ARMC7: variants seen among roughly 807,000 people sequenced by gnomAD.
ARMC7 encodes the protein armadillo repeat-containing protein 7.
A neutral mutation model predicts 14.8 loss-of-function variants in ARMC7; 9 were observed. The observed-to-expected ratio is 0.61, with a 90% CI of 0.37 to 1.06. The LOEUF (loss-of-function observed/expected upper bound fraction) is 1.06. Among genes scored for constraint, ARMC7 ranks in the 50% least tolerant of loss-of-function variants. The pLI is 0.01. For missense variants in ARMC7, 262 were observed against 267.1 expected (o/e 0.98, Z 0.13); for synonymous variants, 125 against 123.4 (o/e 1.01, Z -0.09).
intron 2 of ARMC7, chr17:75,114,775 C>A (rs1036730347): frequency 1.3e-5 from 5 of 398,358 alleles, no homozygotes; most frequent in African/African-American, 2.1e-5. Context: ...GCGTCGAATC[C>A]CTCCGTGGGA....
intron 2 of ARMC7, among the ~76,000 whole-genome samples, chr17:75,119,481 C>A (rs1167667777): frequency 7.1e-6 from 1 of 140,146 alleles, no homozygotes; most frequent in Non-Finnish European, 1.5e-5. Context: ...CGGAGTTTCG[C>A]TCTGTCGCCC....
At position 75,129,630 on chromosome 17, in the gene ARMC7, G is replaced by C. The variant is rs538020268; in HGVS notation, c.*592G>C. 1 of 152,942 alleles carries C rather than the reference G, an allele frequency of 6.5e-6. No individual in the cohort carries two copies. The highest frequency in any genetic ancestry group is 1.5e-5 in the Non-Finnish European group (1 of 68,560). 9.5% of individuals were successfully genotyped at this position (152,942 alleles called of 1,614,324 possible). A position where few individuals can be genotyped will look rare whatever the true frequency, so the allele number is the denominator to read the frequency against. On this transcript the variant is annotated 3_prime_UTR_variant, in exon 3 of 3. Coordinates refer to ENST00000245543, the MANE Select transcript of ARMC7 (RefSeq NM_024585.4). Reference sequence around the variant, plus strand: ...TGGCCCAGCATTGACTGTCCACCCAGCCTTGCTGTTAGGCACCATGACTCC... The same window carrying C: ...TGGCCCAGCATTGACTGTCCACCCACCCTTGCTGTTAGGCACCATGACTCC...
rs759276703 is a variant in ARMC7, at chr17:75,110,351, C to G, written c.63C>G (p.Val21=). 6.8e-6 allele frequency: 11 copies of G among 1,613,946 alleles called. No homozygotes were observed. The highest frequency in any genetic ancestry group is 8.5e-6 in the Non-Finnish European group (10 of 1,180,036). Residue 21 remains valine (V), a synonymous_variant, in exon 1 of 3, where the codon GTC becomes GTG. Coordinates refer to ENST00000245543, the MANE Select transcript of ARMC7 (RefSeq NM_024585.4). ...GGCTGGGATACCTGCAGGCGCTGGT[C>G]ACGGAATTCCAGGAGACCCAAAGCC... The part of the protein sequence containing the change: ...VGRLGYLQAL[V]TEFQETQSQD...
chr17:75,123,797 G>T (rs970331632), intron 2 of ARMC7, among the ~76,000 whole-genome samples: 2 of 151,952 alleles, frequency 1.3e-5, no homozygotes, highest in African/African-American at 4.8e-5. Flanking sequence ...TGTAATCCCA[G>T]CTACTTGGGA....
intron 2 of ARMC7, among the ~76,000 whole-genome samples, chr17:75,116,481 TG>T (rs2073973463): frequency 6.6e-6 from 1 of 152,110 alleles, no homozygotes; most frequent in Admixed American, 6.5e-5. Flanking sequence ...TACAATTAGC[TG>T]GGTGCGGTGG....
intron 2 of ARMC7, among the ~76,000 whole-genome samples, chr17:75,122,193 G>A (rs570859586): frequency 6.6e-5 from 10 of 151,736 alleles, no homozygotes; most frequent in South Asian, 4.2e-4. Context: ...GAAATTAGTC[G>A]GGCATGTTGA....
intron 2 of ARMC7, among the ~76,000 whole-genome samples, chr17:75,128,167 C>A (rs1002553672): frequency 6.6e-6 from 1 of 152,058 alleles, no homozygotes; most frequent in African/African-American, 2.4e-5. Flanking sequence ...CTCCGAGTCC[C>A]AGGTTCAAGC....
At chr17:75,111,820 AGTT>A (rs1394092455) in intron 2 of ARMC7, among the ~76,000 whole-genome samples, 1 of 151,412 alleles carries the variant, frequency 6.6e-6, no homozygotes, top group African/African-American at 2.5e-5. Context: ...TGGCTTCTGT[AGTT>A]GTTATGATCT....
rs146181184 is a variant in ARMC7, at chr17:75,118,337, G to A, written c.235+7731G>A. Among the ~76,000 whole-genome samples, 278 of 152,286 alleles carry A rather than the reference G, an allele frequency of 1.8e-3. 2 individuals carry two copies. Among genetic ancestry groups the A allele is most frequent in the African/African-American group, 6.3e-3 (263 of 41,550 alleles). ...ATGCTTGGGGGCCTGCAGGCCCCTAGAGAAGCCCCTGCTCTCTCTCCATGT... is the reference window on the plus strand; with the variant it reads ...ATGCTTGGGGGCCTGCAGGCCCCTAAAGAAGCCCCTGCTCTCTCTCCATGT... On this transcript the variant is annotated intron_variant, in intron 2 of 2. Transcript: ENST00000245543.
rs1292721704 is a variant in ARMC7 at position 75,110,004 on chromosome 17, T to A, written c.-285T>A. 1 of 371,512 alleles carries A rather than the reference T, an allele frequency of 2.7e-6. No homozygotes were observed. Among genetic ancestry groups the A allele is most frequent in the African/African-American group, 2.1e-5 (1 of 47,136 alleles). 23.0% of individuals were successfully genotyped at this position (371,512 alleles called of 1,614,324 possible). A position where few individuals can be genotyped will look rare whatever the true frequency, so the allele number is the denominator to read the frequency against. ...CCAGGAGCCGGGGACGGTGCGCCAG[T>A]GCCCCCTCCGCGAGCCCCAACCAGT... On this transcript the variant is annotated 5_prime_UTR_variant, in exon 1 of 3. Coordinates refer to ENST00000245543, the MANE Select transcript of ARMC7 (RefSeq NM_024585.4).
intron 2 of ARMC7, among the ~76,000 whole-genome samples, chr17:75,119,981 T>G (rs1006968520): frequency 2.6e-5 from 4 of 152,046 alleles, no homozygotes; most frequent in South Asian, 2.1e-4. Flanking sequence ...CTGGGCTCAT[T>G]GCAACCTCCG....
At chr17:75,115,999 G>T (rs1297484357) in intron 2 of ARMC7, among the ~76,000 whole-genome samples, 1 of 152,150 alleles carries the variant, frequency 6.6e-6, no homozygotes, top group Non-Finnish European at 1.5e-5. Context: ...GTGAGGTGCG[G>T]GATGGGATAA....
At chr17:75,123,491 C>CT in intron 2 of ARMC7, among the ~76,000 whole-genome samples, 1 of 151,626 alleles carries the variant, frequency 6.6e-6, no homozygotes, top group Non-Finnish European at 1.5e-5. Context: ...GTAGCTGGGA[C>CT]TACAGGTGCC....
At chr17:75,119,410 A>G (rs1447317776) in intron 2 of ARMC7, among the ~76,000 whole-genome samples, 9 of 151,000 alleles carry the variant, frequency 6.0e-5, no homozygotes, top group African/African-American at 2.2e-4. Flanking sequence ...AGGGACCAGA[A>G]TGGTGGTGAG....
chr17:75,114,183 ACGG>A, intron 2 of ARMC7: 2 of 401,098 alleles, frequency 5.0e-6, no homozygotes, highest in Non-Finnish European at 4.4e-6. Context: ...TGCAGTCTGA[ACGG>A]TGACGGTGGC....
chr17:75,122,009 T>A (rs1334285160), intron 2 of ARMC7, among the ~76,000 whole-genome samples: 1 of 152,156 alleles, frequency 6.6e-6, no homozygotes, highest in Non-Finnish European at 1.5e-5. Context: ...TGAGTTATTC[T>A]CCTATCTCAG....
chr17:75,112,573 C>CTTTTTTTTTTTT (rs549730217), intron 2 of ARMC7, among the ~76,000 whole-genome samples: 2 of 100,460 alleles, frequency 2.0e-5, no homozygotes, highest in Non-Finnish European at 4.1e-5. Flanking sequence ...TTCTCTTTTT[C>CTTTTTTTTTTTT]TTTTTTTTTT....
At chr17:75,126,041 T>A (rs996937705) in intron 2 of ARMC7, among the ~76,000 whole-genome samples, 1 of 152,180 alleles carries the variant, frequency 6.6e-6, no homozygotes, top group Non-Finnish European at 1.5e-5. Context: ...GTCTTCTCTT[T>A]GTTAGTTTCC....
intron 2 of ARMC7, among the ~76,000 whole-genome samples, chr17:75,115,879 C>A (rs2073969535): frequency 6.6e-6 from 1 of 152,150 alleles, no homozygotes; most frequent in African/African-American, 2.4e-5. Context: ...CACCACAGTG[C>A]TCTTTTAGGG....
Sources: allele counts gnomAD v4.1 joint callset (sites outside exome capture counted in the v4.1 genomes callset), GRCh38; gene constraint gnomAD v4.1.1; transcripts MANE v1.5; gene names NCBI Gene and HGNC (gene_info 2026-07-23, HGNC 2026-07-21).